The following SNTG2 variants were observed in gnomAD, a reference collection of about 807,000 sequenced individuals.
The protein encoded by SNTG2 is gamma-2-syntrophin.
Under a neutral mutation model 70.9 loss-of-function variants are expected in SNTG2, and 74 were observed. The ratio of observed to expected loss-of-function variants is 1.04; its 90% CI spans 0.86 to 1.27. The LOEUF (loss-of-function observed/expected upper bound fraction) is 1.27. SNTG2 is among the 50% of genes most tolerant of loss of function. The pLI, the probability that SNTG2 is intolerant of heterozygous loss-of-function variation, is 0.00. For missense variants in SNTG2, 717 were observed against 690.7 expected (o/e 1.04, Z -0.43); for synonymous variants, 278 against 273.8 (o/e 1.02, Z -0.15).
rs1161686190 is a variant in SNTG2, at chr2:1,293,655, C to G, written c.1285-14839C>G. Among the ~76,000 whole-genome samples the G allele has an allele frequency of 2.4e-4, 37 of 152,056 alleles. 1 individual carries two copies. The highest frequency in any genetic ancestry group is 2.4e-3 in the Admixed American group (37 of 15,264). On this transcript the variant is annotated intron_variant, in intron 14 of 16. Transcript: ENST00000308624. ...TAAGTTGCACATATTTGCTGATTTT[C>G]ATTTTCCTTCTGCTGTTGATTTCTA...
intron 14 of SNTG2, among the ~76,000 whole-genome samples, chr2:1,281,483 A>G (rs112868065): frequency 0.11 from 568 of 5,254 alleles, no homozygotes; most frequent in African/African-American, 0.16. Context: ...TATGGTGTAT[A>G]TGGTGTGTGG....
At chr2:1,110,689 C>CT (rs1349290207) in intron 4 of SNTG2, among the ~76,000 whole-genome samples, 1 of 152,228 alleles carries the variant, frequency 6.6e-6, no homozygotes, top group African/African-American at 2.4e-5. Flanking sequence ...ACCGCTGGGC[C>CT]TTTGCCTTTG....
At chr2:1,328,105 G>A (rs1000707450) in intron 16 of SNTG2, among the ~76,000 whole-genome samples, 4 of 151,982 alleles carry the variant, frequency 2.6e-5, no homozygotes, top group Non-Finnish European at 4.4e-5. Context: ...ACCCCATCTC[G>A]TGAGAACTCT....
chr2:1,256,547 C>G (rs1178912844), intron 12 of SNTG2: 1 of 152,020 alleles, frequency 6.6e-6, no homozygotes, highest in Non-Finnish European at 1.5e-5. Flanking sequence ...TTGTTGTAGC[C>G]TAGATATTTT....
chr2:1,303,621 TAAAATCA>T (rs1187534692), intron 14 of SNTG2, among the ~76,000 whole-genome samples: 1 of 151,904 alleles, frequency 6.6e-6, no homozygotes, highest in Admixed American at 6.6e-5. Flanking sequence ...CAGATATCAG[TAAAATCA>T]AAAACAGAAA....
chr2:1,002,305 T>G (rs1659422092), intron 1 of SNTG2, among the ~76,000 whole-genome samples: 1 of 152,002 alleles, frequency 6.6e-6, no homozygotes, highest in Non-Finnish European at 1.5e-5. Flanking sequence ...AAAATTGACA[T>G]AGTGAACAGA....
intron 8 of SNTG2, among the ~76,000 whole-genome samples, chr2:1,192,517 T>A (rs961617352): frequency 2.0e-5 from 3 of 152,196 alleles, no homozygotes; most frequent in Non-Finnish European, 4.4e-5. Context: ...CAAGAATTTT[T>A]AATTCTTGGT....
intron 8 of SNTG2, among the ~76,000 whole-genome samples, chr2:1,197,554 T>TATA (rs60947657): frequency 6.7e-6 from 1 of 149,784 alleles, no homozygotes; most frequent in African/African-American, 2.5e-5. Flanking sequence ...TGTGTGTATA[T>TATA]TTGATACAGG....
At position 1,136,445 on chromosome 2, in the gene SNTG2, C is replaced by T. The variant is rs569054723; in HGVS notation, c.326-1177C>T. ...ACAGCAGCTTTGCCATGCACAGTTT[C>T]GGTGCAAATGAGAACTTTGTTTGGA... On this transcript the variant is annotated intron_variant, in intron 4 of 16. Transcript: ENST00000308624. Among the ~76,000 whole-genome samples, 10 of 151,986 alleles carry T rather than the reference C, an allele frequency of 6.6e-5. No individual in the cohort carries two copies. In the East Asian group the frequency reaches 1.7e-3, roughly 27 times the overall value.
At chr2:1,118,475 A>G (rs1667178074) in intron 4 of SNTG2, among the ~76,000 whole-genome samples, 1 of 152,078 alleles carries the variant, frequency 6.6e-6, no homozygotes, top group African/African-American at 2.4e-5. Flanking sequence ...ACCCTGTCCA[A>G]CCAGCACCCT....
chr2:1,226,704 C>G (rs964365252), intron 9 of SNTG2, among the ~76,000 whole-genome samples: 4 of 152,080 alleles, frequency 2.6e-5, no homozygotes, highest in Admixed American at 2.6e-4. Context: ...ATAGGTAAAA[C>G]CGCAAGTCTC....
intron 8 of SNTG2, among the ~76,000 whole-genome samples, chr2:1,195,450 G>T (rs1449796690): frequency 6.6e-6 from 1 of 152,154 alleles, no homozygotes; most frequent in Non-Finnish European, 1.5e-5. Context: ...TTGTGGTTTT[G>T]ATTGGCATTT....
chr2:1,096,738 T>C (rs1034873930), intron 2 of SNTG2, among the ~76,000 whole-genome samples: 1 of 152,194 alleles, frequency 6.6e-6, no homozygotes, highest in African/African-American at 2.4e-5. Flanking sequence ...GACACTTGGG[T>C]TGTATCCATA....
intron 13 of SNTG2, chr2:1,262,712 G>C (rs541899628): frequency 0.045 from 2,928 of 64,580 alleles, 97 homozygotes; most frequent in African/African-American, 0.12. Context: ...CGAGGCAACC[G>C]GAAGGCTCCG....
Position 996,673 on chromosome 2 carries a change from GTTTTTTTTTTTTTTTTT to G in SNTG2, c.72+45620_72+45636del. 4.6e-4 allele frequency among the ~76,000 whole-genome samples: 16 copies of G among 35,098 alleles called. 1 individual carries two copies. In the South Asian group the frequency reaches 0.02, roughly 43 times the overall value. The allele number at this position is 35,098 out of a possible 152,430, so 23.0% of individuals were successfully genotyped here. On this transcript the variant is annotated intron_variant, in intron 1 of 16. Transcript: ENST00000308624. ...ATATTGCTTGTATTTGAGTTACCCAGTTTTTTTTTTTTTTTTTTTTTTTTTTTTTTTACTACCACTAG... is the reference window on the plus strand; with the variant it reads ...ATATTGCTTGTATTTGAGTTACCCAGTTTTTTTTTTTTTTACTACCACTAG...
intron 1 of SNTG2, among the ~76,000 whole-genome samples, chr2:1,003,209 A>T (rs532930929): frequency 9.2e-5 from 14 of 152,332 alleles, no homozygotes; most frequent in African/African-American, 3.4e-4. Context: ...TATCCATGTA[A>T]CAAAACTGCA....
chr2:1,162,248 G>C (rs1018354474), intron 6 of SNTG2, among the ~76,000 whole-genome samples: 1 of 152,188 alleles, frequency 6.6e-6, no homozygotes, highest in Non-Finnish European at 1.5e-5. Flanking sequence ...ACTGGGGAAA[G>C]TCACTGAATA....
At chr2:952,457 C>CAATAACGTCAACA (rs1558274335) in intron 1 of SNTG2, among the ~76,000 whole-genome samples, 1 of 152,172 alleles carries the variant, frequency 6.6e-6, no homozygotes, top group Non-Finnish European at 1.5e-5. Flanking sequence ...GAGTTATTGG[C>CAATAACGTCAACA]AATAACGTCA....
chr2:1,336,564 G>A lies in SNTG2; in HGVS notation c.1488+20189G>A, dbSNP rs73908860. 5.1e-3 allele frequency among the ~76,000 whole-genome samples: 769 copies of A among 152,146 alleles called. 6 individuals carry two copies. Among genetic ancestry groups the A allele is most frequent in the African/African-American group, 0.017 (713 of 41,518 alleles). On this transcript the variant is annotated intron_variant, in intron 16 of 16. Transcript: ENST00000308624. ...CAATGCCAAAAATATTTTGTCCTAT[G>A]TTTTATCCTAGTGGTTTTATAGTTT...
Sources: allele counts gnomAD v4.1 joint callset (sites outside exome capture counted in the v4.1 genomes callset), GRCh38; gene constraint gnomAD v4.1.1; transcripts MANE v1.5; gene names NCBI Gene and HGNC (gene_info 2026-07-23, HGNC 2026-07-21).